The following PRR5L variants were observed in gnomAD, a reference collection of about 807,000 sequenced individuals.
The protein encoded by PRR5L is proline-rich protein 5-like.
A neutral mutation model predicts 36.4 loss-of-function variants in PRR5L; 21 were observed. The observed-to-expected ratio is 0.58, with a 90% CI of 0.41 to 0.83. The LOEUF (loss-of-function observed/expected upper bound fraction) is 0.83. Ranked by LOEUF, PRR5L falls within the 40% of genes least tolerant of loss-of-function variation. PRR5L has a pLI of 0.00. For synonymous variants in PRR5L, 188 were observed against 197.0 expected, an observed-to-expected ratio of 0.95 and a Z score of 0.38; for missense variants, 381 against 473.3, an observed-to-expected ratio of 0.80 and a Z score of 1.81.
chr11:36,316,016 G>A (rs746492797), intron 1 of PRR5L, among the ~76,000 whole-genome samples: 12 of 152,188 alleles, frequency 7.9e-5, no homozygotes, highest in Admixed American at 5.9e-4. Flanking sequence ...GAGGCTTATC[G>A]GGACCAGGAC....
At chr11:36,387,940 G>T (rs991180750) in intron 1 of PRR5L, among the ~76,000 whole-genome samples, 1 of 71,440 alleles carries the variant, frequency 1.4e-5, no homozygotes, top group African/African-American at 4.5e-5. Context: ...GGACTTTCTT[G>T]GGAAAAATCA....
At chr11:36,411,276 C>G (rs1361305026) in intron 3 of PRR5L, among the ~76,000 whole-genome samples, 1 of 152,168 alleles carries the variant, frequency 6.6e-6, no homozygotes, top group East Asian at 1.9e-4. Context: ...TTGATTCCAG[C>G]TTTTAGTAAT....
intron 3 of PRR5L, 77 bp downstream of exon 3, chr11:36,403,455 C>G (rs1393191120): frequency 1.9e-6 from 2 of 1,053,474 alleles, no homozygotes; most frequent in Non-Finnish European, 2.8e-6. Flanking sequence ...GCCTTAGGAG[C>G]CTTAAGGGTT....
chr11:36,351,785 T>A (rs367781877), intron 1 of PRR5L, among the ~76,000 whole-genome samples: 193 of 4,966 alleles, frequency 0.039, 9 homozygotes, highest in African/African-American at 0.13. Flanking sequence ...ATTTATATAT[T>A]TTTTTTATAT....
chr11:36,380,420 G>A (rs1372199593), intron 1 of PRR5L: 1 of 152,036 alleles, frequency 6.6e-6, no homozygotes, highest in African/African-American at 2.4e-5. Flanking sequence ...ATAAATTAGG[G>A]AGCCTGTGGG....
At chr11:36,331,977 C>T (rs185142620) in intron 1 of PRR5L, among the ~76,000 whole-genome samples, 1,534 of 152,130 alleles carry the variant, frequency 0.01, 8 homozygotes, top group Non-Finnish European at 0.015. Context: ...TTAACCTTTC[C>T]GGGTCTTAGT....
At chr11:36,381,608 T>G (rs1857368714) in intron 1 of PRR5L, 1 of 152,030 alleles carries the variant, frequency 6.6e-6, no homozygotes, top group Non-Finnish European at 1.5e-5. Context: ...TTCTAAATAC[T>G]TCTCTGGAAC....
intron 1 of PRR5L, among the ~76,000 whole-genome samples, chr11:36,350,384 A>C (rs1856916899): frequency 6.6e-6 from 1 of 151,580 alleles, no homozygotes; most frequent in Non-Finnish European, 1.5e-5. Flanking sequence ...GAAGTGAAGA[A>C]TAAGAGGGAG....
Position 36,401,194 on chromosome 11 carries a change from C to G in PRR5L, c.73C>G (p.Arg25Gly), listed in dbSNP as rs762202439. ...KMGSFRRPRP[R>G]FMSSPVLSDL... is the part of the protein sequence containing the mutation. Reference sequence around the variant, plus strand: ...GGGCTCCTTCCGCAGGCCTAGACCGCGCTTCATGAGCTCCCCCGTGCTCAG... The same window carrying G: ...GGGCTCCTTCCGCAGGCCTAGACCGGGCTTCATGAGCTCCCCCGTGCTCAG... The change falls in exon 2 of 9, where the codon CGC becomes GGC. Residue 25 changes from arginine (R) to glycine (G), a missense_variant. Coordinates refer to ENST00000530639, the MANE Select transcript of PRR5L (RefSeq NM_001160167.2). 6.2e-7 allele frequency: 1 copy of G among 1,614,118 alleles called. No individual in the cohort carries two copies. The highest frequency in any genetic ancestry group is 8.5e-7 in the Non-Finnish European group (1 of 1,180,018).
chr11:36,411,522 T>A (rs1858026761), intron 3 of PRR5L, among the ~76,000 whole-genome samples: 1 of 152,128 alleles, frequency 6.6e-6, no homozygotes, highest in South Asian at 2.1e-4. Context: ...AGTTTCTCAT[T>A]TTGGTCAGGC....
At chr11:36,325,236 G>A (rs886108250) in intron 1 of PRR5L, among the ~76,000 whole-genome samples, 11 of 152,232 alleles carry the variant, frequency 7.2e-5, no homozygotes, top group African/African-American at 2.7e-4. Context: ...GCACTTAACC[G>A]TGCAGGAATG....
chr11:36,339,032 G>A (rs1856794368), intron 1 of PRR5L, among the ~76,000 whole-genome samples: 1 of 152,168 alleles, frequency 6.6e-6, no homozygotes, highest in Admixed American at 6.5e-5. Context: ...CCACCACCAT[G>A]TAAGAAGTAC....
chr11:36,350,920 TTATATATA>T (rs1373995183), intron 1 of PRR5L, among the ~76,000 whole-genome samples: 10 of 47,452 alleles, frequency 2.1e-4, no homozygotes, highest in African/African-American at 8.8e-4. Flanking sequence ...ATATATATAT[TTATATATA>T]TTTATATATT....
chr11:36,438,760 T>C (rs1328264091), intron 6 of PRR5L, among the ~76,000 whole-genome samples: 1 of 151,852 alleles, frequency 6.6e-6, no homozygotes, highest in Admixed American at 6.6e-5. Flanking sequence ...GGCAACATGA[T>C]GACAACCCAT....
chr11:36,320,820 T>G (rs1322635939), intron 1 of PRR5L, among the ~76,000 whole-genome samples: 1 of 152,230 alleles, frequency 6.6e-6, no homozygotes, highest in Non-Finnish European at 1.5e-5. Context: ...AAAATGAGGA[T>G]ATTTATAGAA....
At chr11:36,459,223 G>A (rs1328651621) in intron 8 of PRR5L, among the ~76,000 whole-genome samples, 1 of 152,190 alleles carries the variant, frequency 6.6e-6, no homozygotes, top group Non-Finnish European at 1.5e-5. Flanking sequence ...AGGTGGCAGA[G>A]GAGGCAGCAC....
Position 36,414,610 on chromosome 11 carries a change from T to C in PRR5L, c.246-4645T>C, listed in dbSNP as rs561919326. Among the ~76,000 whole-genome samples the C allele has an allele frequency of 7.6e-4, 107 of 141,334 alleles. 3 individuals carry two copies. Among genetic ancestry groups the C allele is most frequent in the Middle Eastern group, 3.5e-3 (1 of 284 alleles). 92.7% of individuals were successfully genotyped at this position (141,334 alleles called of 152,430 possible). Reference sequence around the variant, plus strand: ...TGAGTTCATTGTAGATTCTGGATATTAGCCCTTTGTCAGATGAGTAGGTTG... The same window carrying C: ...TGAGTTCATTGTAGATTCTGGATATCAGCCCTTTGTCAGATGAGTAGGTTG... On this transcript the variant is annotated intron_variant, in intron 3 of 8. Transcript: ENST00000530639.
chr11:36,298,340 G>A (rs1475042904), intron 1 of PRR5L, among the ~76,000 whole-genome samples: 4 of 152,096 alleles, frequency 2.6e-5, no homozygotes, highest in African/African-American at 4.8e-5. Context: ...TTATTACATT[G>A]TAATATATAA....
chr11:36,459,979 CG>C (rs1859144682), intron 8 of PRR5L, among the ~76,000 whole-genome samples: 1 of 152,064 alleles, frequency 6.6e-6, no homozygotes, highest in South Asian at 2.1e-4. Flanking sequence ...ATTTTAAAGA[CG>C]TATCAATAAA....
Sources: allele counts gnomAD v4.1 joint callset (sites outside exome capture counted in the v4.1 genomes callset), GRCh38; gene constraint gnomAD v4.1.1; transcripts MANE v1.5; gene names NCBI Gene and HGNC (gene_info 2026-07-23, HGNC 2026-07-21).